The following NEGR1 variants were observed in gnomAD, a reference collection of about 807,000 sequenced individuals.
The protein encoded by NEGR1 is IgLON family member 4.
NEGR1 carries 10 observed loss-of-function variants against 40.9 expected under a neutral mutation model. The observed-to-expected ratio is 0.24, with a 90% CI of 0.15 to 0.42. The LOEUF (loss-of-function observed/expected upper bound fraction) is 0.42, where lower values mean the gene tolerates loss of function less well. NEGR1 is among the 10% of genes least tolerant of loss of function. The probability of loss-of-function intolerance (pLI) is 1.00; values close to 1 mark genes in which losing one functional copy is unlikely to be tolerated. For missense variants in NEGR1, 352 were observed against 438.9 expected (o/e 0.80, Z 1.77); for synonymous variants, 185 against 166.8 (o/e 1.11, Z -0.84).
rs1649952737 is a variant in NEGR1, at chr1:71,602,377, AAGT to A, written c.788+8646_788+8648del. Among the ~76,000 whole-genome samples, 10 of 83,354 alleles carry A rather than the reference AAGT, an allele frequency of 1.2e-4. No homozygotes were observed. The Admixed American group carries it at 1.5e-3, about 12-fold the overall frequency. 54.7% of individuals were successfully genotyped at this position (83,354 alleles called of 152,430 possible). On this transcript the variant is annotated intron_variant, in intron 5 of 6. Coordinates refer to ENST00000357731, the MANE Select transcript of NEGR1 (RefSeq NM_173808.3). ...ATCCATTCTCCTGCCTCAGCCTCCC[AAGT>A]AGCTGGGACTACAGGCGCCCGCCAC...
chr1:71,553,539 C>G (rs1044385954), intron 6 of NEGR1, among the ~76,000 whole-genome samples: 1 of 151,384 alleles, frequency 6.6e-6, no homozygotes, highest in African/African-American at 2.4e-5. Flanking sequence ...AAATCTGACT[C>G]AAAGATGAAA....
At chr1:71,862,689 C>T (rs895175345) in intron 2 of NEGR1, among the ~76,000 whole-genome samples, 3 of 151,806 alleles carry the variant, frequency 2.0e-5, no homozygotes, top group Admixed American at 6.6e-5. Flanking sequence ...ACATCATATG[C>T]CATCAAAAAT....
At chr1:71,492,684 G>T (rs1164507144) in intron 6 of NEGR1, among the ~76,000 whole-genome samples, 1 of 151,998 alleles carries the variant, frequency 6.6e-6, no homozygotes, top group East Asian at 1.9e-4. Flanking sequence ...ATATGTGCAA[G>T]ACACAAAGCT....
intron 2 of NEGR1, among the ~76,000 whole-genome samples, chr1:71,868,815 C>A (rs1050110290): frequency 6.6e-6 from 1 of 151,944 alleles, no homozygotes; most frequent in Non-Finnish European, 1.5e-5. Flanking sequence ...CTCTCACTGA[C>A]CTAATACTCT....
chr1:71,700,514 C>T lies in NEGR1; in HGVS notation c.536-2375G>A, dbSNP rs535000705. ...TTGTACTTATATCAGTTGTCTATGG[C>T]TGCCATAACAAATTACCACAAATTT... On this transcript the variant is annotated intron_variant, in intron 3 of 6. Transcript: ENST00000357731. Among the ~76,000 whole-genome samples, 3 of 152,064 alleles carry T rather than the reference C, an allele frequency of 2.0e-5. No individual in the cohort carries two copies. In the East Asian group the frequency reaches 5.8e-4, roughly 29 times the overall value.
chr1:71,844,462 T>G (rs1659338123), intron 2 of NEGR1, among the ~76,000 whole-genome samples: 1 of 152,202 alleles, frequency 6.6e-6, no homozygotes, highest in African/African-American at 2.4e-5. Flanking sequence ...CAGTAAGGCA[T>G]TTCAAAGCCA....
chr1:71,474,448 TG>T (rs1646805339), intron 6 of NEGR1, among the ~76,000 whole-genome samples: 1 of 147,972 alleles, frequency 6.8e-6, no homozygotes, highest in African/African-American at 2.5e-5. Flanking sequence ...TCGAGGTGGG[TG>T]GATCATTTGA....
chr1:71,595,579 C>CA (rs1649670552), intron 5 of NEGR1, among the ~76,000 whole-genome samples: 1 of 152,086 alleles, frequency 6.6e-6, no homozygotes, highest in African/African-American at 2.4e-5. Context: ...TTATTCAAAT[C>CA]AATTCTGAAA....
intron 2 of NEGR1, among the ~76,000 whole-genome samples, chr1:71,895,070 A>G (rs751046847): frequency 2.6e-5 from 4 of 152,206 alleles, no homozygotes; most frequent in Non-Finnish European, 4.4e-5. Flanking sequence ...ATGTGTCCTC[A>G]ATAGGACATT....
chr1:71,916,464 A>T (rs1218919045), intron 2 of NEGR1, among the ~76,000 whole-genome samples: 1 of 152,176 alleles, frequency 6.6e-6, no homozygotes, highest in African/African-American at 2.4e-5. Context: ...ATGAGATCAA[A>T]ATACCAGGCC....
intron 4 of NEGR1, among the ~76,000 whole-genome samples, chr1:71,678,585 G>C (rs1239161913): frequency 6.6e-6 from 1 of 152,052 alleles, no homozygotes; most frequent in Non-Finnish European, 1.5e-5. Flanking sequence ...CTACACCAAA[G>C]TATTCAGTTG....
intron 5 of NEGR1, among the ~76,000 whole-genome samples, chr1:71,600,177 C>T (rs138090207): frequency 5.3e-5 from 8 of 152,292 alleles, no homozygotes; most frequent in Non-Finnish European, 1.0e-4. Context: ...CTCTCACCAA[C>T]TTGAAAGTGT....
At chr1:71,444,078 A>C (rs1206504647) in intron 6 of NEGR1, among the ~76,000 whole-genome samples, 2 of 152,158 alleles carry the variant, frequency 1.3e-5, no homozygotes, top group Non-Finnish European at 2.9e-5. Context: ...TGTGTTCTAC[A>C]TTTACAGATC....
At chr1:71,432,030 C>A (rs1001812542) in intron 6 of NEGR1, among the ~76,000 whole-genome samples, 1 of 152,082 alleles carries the variant, frequency 6.6e-6, no homozygotes, top group Non-Finnish European at 1.5e-5. Context: ...GGAGAGTCCA[C>A]TGAGAAAATG....
chr1:71,486,134 G>A (rs924493580), intron 6 of NEGR1, among the ~76,000 whole-genome samples: 1 of 151,478 alleles, frequency 6.6e-6, no homozygotes, highest in Admixed American at 6.6e-5. Context: ...TCTAGATTTC[G>A]GCCATTCTAG....
chr1:71,558,965 G>A (rs1052084453), intron 6 of NEGR1, among the ~76,000 whole-genome samples: 1 of 148,370 alleles, frequency 6.7e-6, no homozygotes, highest in South Asian at 2.1e-4. Context: ...ATGTATACCA[G>A]TGCATGTATA....
chr1:71,473,170 T>C (rs1381797640), intron 6 of NEGR1, among the ~76,000 whole-genome samples: 1 of 152,048 alleles, frequency 6.6e-6, no homozygotes, highest in African/African-American at 2.4e-5. Flanking sequence ...ATTAAACATA[T>C]AAGTACTAAG....
At chr1:71,553,843 A>C (rs1038384608) in intron 6 of NEGR1, among the ~76,000 whole-genome samples, 3 of 151,474 alleles carry the variant, frequency 2.0e-5, no homozygotes, top group African/African-American at 7.3e-5. Flanking sequence ...AAATATCTTC[A>C]TATTATTAGC....
chr1:71,703,415 G>A (rs1223419480), intron 3 of NEGR1: 2 of 146,990 alleles, frequency 1.4e-5, no homozygotes, highest in African/African-American at 5.0e-5. Flanking sequence ...TTTTAAAAAT[G>A]ACTAAACATT....
Sources: gnomAD v4.1 joint callset for allele counts (sites outside exome capture counted in the v4.1 genomes callset) on GRCh38, gnomAD v4.1.1 for gene constraint, MANE v1.5 for transcripts, NCBI Gene and HGNC (gene_info 2026-07-23, HGNC 2026-07-21) for gene names.